The following ERICH6 variants were observed in gnomAD, a reference collection of about 807,000 sequenced individuals.
ERICH6 encodes the protein glutamate rich 6, also known as glutamate-rich protein 6.
A neutral mutation model predicts 71.0 loss-of-function variants in ERICH6; 71 were observed. The observed-to-expected ratio is 1.00, with a 90% CI of 0.83 to 1.22. The LOEUF is 1.22. Among genes scored for constraint, ERICH6 ranks in the 50% most tolerant of loss-of-function variants. The pLI, the probability that ERICH6 is intolerant of heterozygous loss-of-function variation, is 0.00. For missense variants in ERICH6, 808 were observed against 797.2 expected (o/e 1.01, Z -0.16); for synonymous variants, 262 against 278.4 (o/e 0.94, Z 0.59).
At chr3:150,701,361 A>G (rs1212915249) in intron 2 of ERICH6, among the ~76,000 whole-genome samples, 1 of 141,856 alleles carries the variant, frequency 7.0e-6, no homozygotes, top group Non-Finnish European at 1.5e-5. Context: ...AAACCAAGAA[A>G]TGAAAATGTC....
intron 13 of ERICH6, among the ~76,000 whole-genome samples, chr3:150,665,724 C>T (rs529400575): frequency 1.8e-4 from 26 of 146,254 alleles, no homozygotes; most frequent in African/African-American, 4.1e-4. Context: ...CTACTCAGGA[C>T]GGTGAGGCAG....
chr3:150,660,296 T>C (rs1439408614), intron 13 of ERICH6, 141 bp from the exon 14 acceptor site: 7 of 928,422 alleles, frequency 7.5e-6, no homozygotes, highest in Non-Finnish European at 1.1e-5. Flanking sequence ...GCAGGGGCGG[T>C]GGTGTTATTC....
chr3:150,689,158 T>C (rs1712318896), intron 3 of ERICH6, among the ~76,000 whole-genome samples: 1 of 152,212 alleles, frequency 6.6e-6, no homozygotes, highest in Admixed American at 6.5e-5. Flanking sequence ...CTCCTCAAAT[T>C]TGGTCACGAT....
chr3:150,680,520 C>G lies in ERICH6; in HGVS notation c.1059G>C (p.Met353Ile). The G allele has an allele frequency of 6.2e-7, 1 of 1,614,172 alleles. No homozygotes were observed. Among genetic ancestry groups the G allele is most frequent in the Non-Finnish European group, 8.5e-7 (1 of 1,180,032 alleles). Residue 353 changes from methionine (M) to isoleucine (I), a missense_variant, in exon 9 of 14, where the codon ATG (methionine) becomes ATC (isoleucine). Physicochemically the swap from Met to Ile is conservative, Grantham distance 10. Around this residue, in one of 3 missense-constraint regions of ERICH6, gnomAD observed 736 missense variants for 712.2 expected, o/e 1.03. Coordinates refer to ENST00000295910, the MANE Select transcript of ERICH6 (RefSeq NM_152394.5). ...KALQRKQEQR[M>I]ARHFAIISRE... ...TTGATATTATTGCAAAATGTCTGGC[C>G]ATTCGTTGCTCCTGTTTCCTACAAA...
At chr3:150,698,661 G>T in intron 3 of ERICH6, 130 bp downstream of exon 3, 1 of 655,214 alleles carries the variant, frequency 1.5e-6, no homozygotes, top group Admixed American at 2.6e-5. Flanking sequence ...TAAGCAACTT[G>T]CCCAACATCA....
chr3:150,692,559 C>T (rs1559919796), intron 3 of ERICH6, among the ~76,000 whole-genome samples: 1 of 152,038 alleles, frequency 6.6e-6, no homozygotes, highest in Admixed American at 6.6e-5. Flanking sequence ...ACAGGAAGCA[C>T]TGTCAAATAT....
intron 13 of ERICH6, among the ~76,000 whole-genome samples, chr3:150,665,696 G>A (rs1449978692): frequency 6.6e-6 from 1 of 151,230 alleles, no homozygotes; most frequent in Non-Finnish European, 1.5e-5. Context: ...GCATGGTGGT[G>A]GGCGCCTGTA....
chr3:150,697,835 C>T (rs1712709172), intron 3 of ERICH6, among the ~76,000 whole-genome samples: 1 of 152,150 alleles, frequency 6.6e-6, no homozygotes, highest in Admixed American at 6.5e-5. Context: ...CACCTCACTC[C>T]CAGTGAGAAA....
intron 3 of ERICH6, among the ~76,000 whole-genome samples, chr3:150,696,200 G>A (rs1211351567): frequency 6.6e-6 from 1 of 151,950 alleles, no homozygotes; most frequent in East Asian, 1.9e-4. Flanking sequence ...CCATTTCAAA[G>A]CAGAGTGGAA....
At chr3:150,675,983 G>A (rs1711638754) in intron 10 of ERICH6, among the ~76,000 whole-genome samples, 1 of 148,012 alleles carries the variant, frequency 6.8e-6, no homozygotes, top group South Asian at 2.1e-4. Context: ...TCTTTTATCA[G>A]TTTTGAAAAA....
At chr3:150,686,051 T>C in intron 4 of ERICH6, 30 bp from the exon 5 acceptor site, 1 of 1,559,452 alleles carries the variant, frequency 6.4e-7, no homozygotes, top group Non-Finnish European at 8.8e-7. Context: ...TCATAAGAAA[T>C]GTTTAAAGCC....
intron 6 of ERICH6, 107 bp downstream of exon 6, chr3:150,685,635 T>C (rs1712149595): frequency 1.0e-6 from 1 of 975,778 alleles, no homozygotes; most frequent in Non-Finnish European, 1.5e-6. Flanking sequence ...TCTTTGGCTT[T>C]TTTTTTTTTT....
intron 13 of ERICH6, among the ~76,000 whole-genome samples, chr3:150,662,028 G>A (rs962275088): frequency 5.3e-5 from 8 of 152,022 alleles, no homozygotes; most frequent in African/African-American, 1.7e-4. Context: ...TCAAACAAAC[G>A]CTAACAAAGA....
intron 13 of ERICH6, among the ~76,000 whole-genome samples, chr3:150,665,972 T>C (rs1004590592): frequency 6.6e-6 from 1 of 152,230 alleles, no homozygotes; most frequent in Non-Finnish European, 1.5e-5. Flanking sequence ...TATATTATTT[T>C]ATTTAGTGCC....
At chr3:150,670,099 C>T (rs1711497780) in intron 11 of ERICH6, among the ~76,000 whole-genome samples, 1 of 152,076 alleles carries the variant, frequency 6.6e-6, no homozygotes, top group Admixed American at 6.6e-5. Context: ...TAAAACTATA[C>T]TTAATGGTGA....
chr3:150,679,943 C>A (rs1711832594), intron 9 of ERICH6, among the ~76,000 whole-genome samples: 2 of 152,260 alleles, frequency 1.3e-5, no homozygotes, highest in Non-Finnish European at 2.9e-5. Flanking sequence ...CAGGCGTGAG[C>A]CACCGCGCCC....
At chr3:150,682,355 AAAGAG>A (rs772084920) in intron 6 of ERICH6, 39 bp from the exon 7 acceptor site, 1 of 1,520,884 alleles carries the variant, frequency 6.6e-7, no homozygotes, top group East Asian at 2.3e-5. Flanking sequence ...AAGTCCCCAC[AAAGAG>A]GCCCAGAGGC....
At chr3:150,702,265 GGA>G in intron 1 of ERICH6, 87 bp from the exon 2 acceptor site, 1 of 526,902 alleles carries the variant, frequency 1.9e-6, no homozygotes, top group Non-Finnish European at 3.3e-6. Flanking sequence ...GGCAATGTCT[GGA>G]GACTTTTTTT....
At chr3:150,683,955 C>T (rs375738308) in intron 6 of ERICH6, among the ~76,000 whole-genome samples, 5 of 152,196 alleles carry the variant, frequency 3.3e-5, no homozygotes, top group Non-Finnish European at 2.9e-5. Flanking sequence ...AGTTCAGGGA[C>T]GTCTTGGGGG....
Sources: gnomAD v4.1 joint callset for allele counts (sites outside exome capture counted in the v4.1 genomes callset) on GRCh38, gnomAD v4.1.1 for gene constraint, gnomAD v4.1.1 regional missense constraint, MANE v1.5 for transcripts, NCBI Gene and HGNC (gene_info 2026-07-23, HGNC 2026-07-21) for gene names.